Variants in HMGN1 observed in about 807,000 individuals in gnomAD.
HMGN1 encodes non-histone chromosomal protein HMG-14.
In HMGN1, 9 loss-of-function variants were observed where a neutral mutation model predicts 18.4. The ratio of observed to expected loss-of-function variants is 0.49; its 90% confidence interval spans 0.29 to 0.85. HMGN1 has a LOEUF of 0.85. Among genes scored for constraint, HMGN1 ranks in the 40% least tolerant of loss-of-function variants. The pLI is 0.07. For missense variants in HMGN1, 151 were observed against 119.2 expected, an observed-to-expected ratio of 1.27 and a Z score of -1.24; for synonymous variants, 59 against 45.0, an observed-to-expected ratio of 1.31 and a Z score of -1.24.
chr21:39,348,851 G>A (rs1475900537), intron 1 of HMGN1, 52 bp downstream of exon 1: 1 of 1,061,280 alleles, frequency 9.4e-7, no homozygotes, highest in Non-Finnish European at 1.1e-6. Context: ...GGGCCCGGCG[G>A]GGCGCCGGCG....
At chr21:39,348,841 G>C (rs970673379) in intron 1 of HMGN1, 62 bp downstream of exon 1, 3 of 1,041,604 alleles carry the variant, frequency 2.9e-6, no homozygotes, top group Non-Finnish European at 3.5e-6. Flanking sequence ...GGGCCTCGCG[G>C]GGCCCGGCGG....
chr21:39,348,743 C>T lies in HMGN1; in HGVS notation c.15+160G>A. On this transcript the variant is annotated intron_variant, in intron 1 of 5. Transcript: ENST00000380749. ...GCCGCCAAACGTTCCAGAACGCCCG[C>T]CCCCGCGGCCGCCGAGCGCTCGCCT... 3 of 1,085,066 alleles carry T rather than the reference C, an allele frequency of 2.8e-6. No homozygotes were observed. In the South Asian group the frequency reaches 6.1e-5, roughly 22 times the overall value. The allele number at this position is 1,085,066 out of a possible 1,614,324, so 67.2% of individuals were successfully genotyped here.
In HMGN1 at chr21:39,345,286, T is replaced by A. The variant is rs1382431194; in HGVS notation, c.127-12A>T. ...TCTGAAGATTTATCCTATGATAGAATAAGAATATATTTTAAGTACATGCTT... is the reference window on the plus strand; with the variant it reads ...TCTGAAGATTTATCCTATGATAGAAAAAGAATATATTTTAAGTACATGCTT... On this transcript the variant is annotated splice_polypyrimidine_tract_variant and intron_variant, in intron 4 of 5. Coordinates refer to ENST00000380749, the MANE Select transcript of HMGN1 (RefSeq NM_004965.7). 1.2e-6 allele frequency: 2 copies of A among 1,606,932 alleles called. No homozygotes were observed. Among genetic ancestry groups the A allele is most frequent in the Non-Finnish European group, 1.7e-6 (2 of 1,174,362 alleles).
At chr21:39,345,731 G>A (rs2037028219) in intron 4 of HMGN1, 3 of 730,528 alleles carry the variant, frequency 4.1e-6, no homozygotes, top group Admixed American at 2.3e-5. Context: ...AATACCGGAG[G>A]AGTCTCGTCG....
rs767824759 is a variant in HMGN1, at chr21:39,345,247, T to C, written c.154A>G (p.Thr52Ala). The change falls in exon 5 of 6, where the codon ACA becomes GCA. Residue 52 changes from threonine (T) to alanine (A), a missense_variant. Coordinates refer to ENST00000380749, the MANE Select transcript of HMGN1 (RefSeq NM_004965.7). ...CCCTTTGCTCCCCTTTTCCCTTTTG[T>C]TTGCACTTTTTTGTCTGAAGATTTA... is the stretch of plus-strand genomic sequence containing the variant. ...KDKSSDKKVQ[T>A]KGKRGAKGKQ... The C allele has an allele frequency of 5.0e-6, 8 of 1,613,558 alleles. No homozygotes were observed. The African/African-American group carries it at 8.0e-5, about 16-fold the overall frequency.
At chr21:39,343,491 C>G (rs2036935963) in intron 5 of HMGN1, among the ~76,000 whole-genome samples, 1 of 152,122 alleles carries the variant, frequency 6.6e-6, no homozygotes, top group African/African-American at 2.4e-5. Flanking sequence ...TATTTTACAC[C>G]TTTGTGCTTT....
At chr21:39,344,976 AC>A (rs1210771347) in intron 5 of HMGN1, among the ~76,000 whole-genome samples, 169 bp downstream of exon 5, 4 of 152,234 alleles carry the variant, frequency 2.6e-5, no homozygotes, top group Non-Finnish European at 5.9e-5. Context: ...CTTTCCAATA[AC>A]ATAAATCATA....
chr21:39,343,696 G>C (rs1443192817), intron 5 of HMGN1, among the ~76,000 whole-genome samples: 3 of 152,182 alleles, frequency 2.0e-5, no homozygotes, highest in Non-Finnish European at 4.4e-5. Context: ...TGTCTAAACA[G>C]AAATACACAT....
At chr21:39,348,394 G>C (rs769961075) in intron 3 of HMGN1, 28 bp downstream of exon 3, 12 of 1,614,050 alleles carry the variant, frequency 7.4e-6, no homozygotes, top group South Asian at 1.1e-5. Context: ...CGCGGAAAAC[G>C]AACGGTTACG....
rs1431562002 is a variant in HMGN1 at position 39,348,837 on chromosome 21, CGCGGGGCCCG to C, written c.15+56_15+65del. 43 of 1,044,966 alleles carry C rather than the reference CGCGGGGCCCG, an allele frequency of 4.1e-5. No individual in the cohort carries two copies. In the South Asian group the frequency reaches 9.9e-4, roughly 24 times the overall value. The allele number at this position is 1,044,966 out of a possible 1,614,324, so 64.7% of individuals were successfully genotyped here. ...CGTGGGTGCAACGGGGCCTGGGCCT[CGCGGGGCCCG>C]GCGGGGCGCCGGCGGCGGCTCCAGG... On this transcript the variant is annotated intron_variant, in intron 1 of 5. Coordinates refer to ENST00000380749, the MANE Select transcript of HMGN1 (RefSeq NM_004965.7).
chr21:39,346,079 C>T, intron 4 of HMGN1: 1 of 535,032 alleles, frequency 1.9e-6, no homozygotes, highest in Non-Finnish European at 3.1e-6. Context: ...GAGAAGAAAG[C>T]TTAACATTTA....
Position 39,342,955 on chromosome 21 carries a change from A to G in HMGN1, c.*157T>C. On this transcript the variant is annotated 3_prime_UTR_variant, in exon 6 of 6. Transcript: ENST00000380749. ...TTTCACCTCTTAAAAAAAAGCATTT[A>G]CACTTAAAAAATGGGATGAGGTGGG... The G allele has an allele frequency of 7.8e-7, 1 of 1,278,910 alleles. No homozygotes were observed. The highest frequency in any genetic ancestry group is 1.1e-6 in the Non-Finnish European group (1 of 914,320). 79.2% of individuals were successfully genotyped at this position (1,278,910 alleles called of 1,614,324 possible). A position where few individuals can be genotyped will look rare whatever the true frequency, so the allele number is the denominator to read the frequency against.
At chr21:39,347,207 G>A in intron 4 of HMGN1, 1 of 410,372 alleles carries the variant, frequency 2.4e-6, no homozygotes, top group South Asian at 3.6e-5. Context: ...TGGTCTTCTG[G>A]TAATGAGAAA....
At chr21:39,347,896 C>G (rs1004659076) in intron 4 of HMGN1, 9 of 704,910 alleles carry the variant, frequency 1.3e-5, no homozygotes, top group Non-Finnish European at 1.5e-5. Context: ...GGCTTGGAAA[C>G]TGTATATATA....
chr21:39,344,220 C>T (rs1335410158), intron 5 of HMGN1, among the ~76,000 whole-genome samples: 1 of 144,012 alleles, frequency 6.9e-6, no homozygotes, highest in Non-Finnish European at 1.5e-5. Context: ...CCCACCACTG[C>T]ACTCCAGCTT....
chr21:39,346,624 G>A (rs1422432984), intron 4 of HMGN1: 1 of 152,438 alleles, frequency 6.6e-6, no homozygotes, highest in South Asian at 2.1e-4. Flanking sequence ...AAAATATTTA[G>A]TTCTAGGGAA....
intron 4 of HMGN1, chr21:39,346,129 T>C: frequency 2.6e-6 from 1 of 390,074 alleles, no homozygotes; most frequent in South Asian, 2.1e-5. Context: ...TAAATTAGTT[T>C]AGCCCCCAGC....
chr21:39,345,228 G>GC lies in HMGN1; in HGVS notation c.172dup (p.Ala58GlyfsTer10), dbSNP rs757918540. 3 of 1,613,390 alleles carry GC rather than the reference G, an allele frequency of 1.9e-6. No individual in the cohort carries two copies. ...AGCCACTTCGGCCTGTTTTCCCTTT[G>GC]CTCCCCTTTTCCCTTTTGTTTGCAC... On this transcript the variant is annotated frameshift_variant, in exon 5 of 6. Transcript: ENST00000380749. LOFTEE classifies it high-confidence loss of function.
chr21:39,348,011 T>G (rs183268849), intron 4 of HMGN1: 392 of 1,182,680 alleles, frequency 3.3e-4, no homozygotes, highest in Non-Finnish European at 4.1e-4. Context: ...CCAGCCACAA[T>G]GTACGCAACG....
Sources: allele counts gnomAD v4.1 joint callset (sites outside exome capture counted in the v4.1 genomes callset), GRCh38; gene constraint gnomAD v4.1.1; transcripts MANE v1.5; gene names NCBI Gene and HGNC (gene_info 2026-07-23, HGNC 2026-07-21).